Variants in LTBP2 observed in about 807,000 individuals in gnomAD.
The protein encoded by LTBP2 is latent transforming growth factor beta binding protein 2.
In LTBP2, 103 loss-of-function variants were observed where a neutral mutation model predicts 210.6. That is an observed-to-expected ratio of 0.49 (90% CI 0.42 to 0.58). The LOEUF (loss-of-function observed/expected upper bound fraction) is 0.58, where lower values mean the gene tolerates loss of function less well. Ranked by LOEUF, LTBP2 falls within the 20% of genes least tolerant of loss-of-function variation. The pLI, the probability that LTBP2 is intolerant of heterozygous loss-of-function variation, is 0.00. For missense variants in LTBP2, 2,313 were observed against 2,494.5 expected (o/e 0.93, Z 1.55); for synonymous variants, 1,007 against 1,015.0 (o/e 0.99, Z 0.15).
At chr14:74,540,838 T>TA (rs376025514) in intron 8 of LTBP2, among the ~76,000 whole-genome samples, 1,034 of 14,238 alleles carry the variant, frequency 0.073, 37 homozygotes, top group Non-Finnish European at 0.18. Flanking sequence ...ATAATATATA[T>TA]TTATATATAT....
At chr14:74,582,130 C>T (rs2088144775) in intron 3 of LTBP2, among the ~76,000 whole-genome samples, 1 of 150,436 alleles carries the variant, frequency 6.6e-6, no homozygotes, top group Non-Finnish European at 1.5e-5. Flanking sequence ...AGTGATTCTT[C>T]TCAAGCCTGT....
At chr14:74,523,780 A>G (rs2087237508) in intron 15 of LTBP2, among the ~76,000 whole-genome samples, 1 of 152,214 alleles carries the variant, frequency 6.6e-6, no homozygotes, top group African/African-American at 2.4e-5. Flanking sequence ...CTTTGCCTGA[A>G]GCCCACATGC....
chr14:74,522,152 C>T, intron 16 of LTBP2, 113 bp from the exon 17 acceptor site: 1 of 1,294,834 alleles, frequency 7.7e-7, no homozygotes, highest in Non-Finnish European at 1.1e-6. Context: ...TGCTGTGTGG[C>T]AAGGAAGGGG....
At chr14:74,522,109 AC>A (rs1304349990) in intron 16 of LTBP2, 70 bp from the exon 17 acceptor site, 2 of 1,535,886 alleles carry the variant, frequency 1.3e-6, no homozygotes, top group East Asian at 2.4e-5. Context: ...CCTACCAGCA[AC>A]CTGCCCACAC....
intron 20 of LTBP2, 74 bp downstream of exon 20, chr14:74,510,017 G>T: frequency 6.2e-7 from 1 of 1,612,524 alleles, no homozygotes; most frequent in Non-Finnish European, 8.5e-7. Flanking sequence ...AGGGGGCCAA[G>T]GGTGGTGTGC....
chr14:74,507,955 TC>T lies in LTBP2; in HGVS notation c.3775+17del. On this transcript the variant is annotated intron_variant, in intron 25 of 35. Transcript: ENST00000261978. ...CAGATGTGGGCAGAGCCCTGTGCCC[TC>T]CCCCCAGAGCCCTTACCCACACACT... 6.2e-7 allele frequency: 1 copy of T among 1,611,704 alleles called. No homozygotes were observed. The highest frequency in any genetic ancestry group is 8.5e-7 in the Non-Finnish European group (1 of 1,179,598).
intron 3 of LTBP2, among the ~76,000 whole-genome samples, chr14:74,572,836 A>G (rs2139774293): frequency 6.6e-6 from 1 of 152,286 alleles, no homozygotes; most frequent in Non-Finnish European, 1.5e-5. Context: ...GATGGGGCGA[A>G]CCTTCCCTGG....
Position 74,508,625 on chromosome 14 carries a change from C to G in LTBP2, c.3631G>C (p.Glu1211Gln), listed in dbSNP as rs994665777. 1.2e-6 allele frequency: 2 copies of G among 1,610,150 alleles called. No homozygotes were observed. Among genetic ancestry groups the G allele is most frequent in the African/African-American group, 2.7e-5 (2 of 74,924 alleles). The change falls in exon 24 of 36, where the codon GAG becomes CAG. Residue 1211 changes from glutamate (E) to glutamine (Q), a missense_variant. Around this residue, in one of 3 missense-constraint regions of LTBP2, gnomAD observed 1,867 missense variants for 1,976.9 expected, o/e 0.94. Coordinates refer to ENST00000261978, the MANE Select transcript of LTBP2 (RefSeq NM_000428.3). ...CLCAPGFVSA[E>Q]GGTSCQDVDE... ...TCACCCTGGCAGCTGGTGCCCCCCTCTGCGCTGACGAAGCCAGGCGCGCAC... is the reference window on the plus strand; with the variant it reads ...TCACCCTGGCAGCTGGTGCCCCCCTGTGCGCTGACGAAGCCAGGCGCGCAC...
intron 22 of LTBP2, 127 bp from the exon 23 acceptor site, chr14:74,509,079 C>T (rs755076528): frequency 6.4e-7 from 1 of 1,565,228 alleles, no homozygotes; most frequent in Non-Finnish European, 8.7e-7. Flanking sequence ...ATCATCCCCT[C>T]ATGAGGCAGC....
chr14:74,528,352 T>C, intron 12 of LTBP2, 131 bp downstream of exon 12: 1 of 1,061,716 alleles, frequency 9.4e-7, no homozygotes, highest in Non-Finnish European at 1.4e-6. Context: ...GTGCTGCTGC[T>C]CCAAGCTCCC....
chr14:74,572,448 T>C (rs1038551803), intron 3 of LTBP2, among the ~76,000 whole-genome samples: 5 of 55,470 alleles, frequency 9.0e-5, no homozygotes, highest in South Asian at 5.0e-4. Context: ...AATGCCTCCC[T>C]TTTTTTTTTT....
At chr14:74,551,653 C>T (rs536995426) in intron 6 of LTBP2, among the ~76,000 whole-genome samples, 5 of 152,286 alleles carry the variant, frequency 3.3e-5, no homozygotes, top group East Asian at 1.9e-4. Context: ...TCCTGCATGG[C>T]CCCACCTCCG....
At chr14:74,571,684 G>C (rs1275170053) in intron 3 of LTBP2, among the ~76,000 whole-genome samples, 1 of 152,214 alleles carries the variant, frequency 6.6e-6, no homozygotes, top group Non-Finnish European at 1.5e-5. Context: ...GGCCTGGCTG[G>C]GGTCTTGAGA....
chr14:74,611,997 G>A lies in LTBP2; in HGVS notation c.-53C>T, dbSNP rs934559680. 3.4e-6 allele frequency: 5 copies of A among 1,471,446 alleles called. No homozygotes were observed. The African/African-American group carries it at 7.2e-5, about 21-fold the overall frequency. The allele number at this position is 1,471,446 out of a possible 1,614,324, so 91.1% of individuals were successfully genotyped here. On this transcript the variant is annotated 5_prime_UTR_variant, in exon 1 of 36. Transcript: ENST00000261978. ...CGCGGGCACCGCGAAGAGCTTTGTG[G>A]TCGGCACGCTGGACGCCCGCGGGCT...
intron 3 of LTBP2, among the ~76,000 whole-genome samples, chr14:74,574,404 C>T (rs570849036): frequency 3.3e-5 from 5 of 152,162 alleles, no homozygotes; most frequent in Non-Finnish European, 7.3e-5. Context: ...TGTGCTATGC[C>T]ATTTATACTC....
chr14:74,602,750 C>T (rs2088466039), intron 2 of LTBP2, among the ~76,000 whole-genome samples: 2 of 152,222 alleles, frequency 1.3e-5, no homozygotes, highest in African/African-American at 4.8e-5. Flanking sequence ...TCCTTGGTTT[C>T]CACAAAATAA....
At chr14:74,524,332 C>A (rs750895455) in intron 15 of LTBP2, among the ~76,000 whole-genome samples, 2 of 152,090 alleles carry the variant, frequency 1.3e-5, no homozygotes, top group Admixed American at 6.5e-5. Context: ...CCCTACTCCC[C>A]ACTCTCTGGA....
intron 2 of LTBP2, 113 bp downstream of exon 2, chr14:74,603,522 G>T: frequency 9.8e-7 from 1 of 1,022,350 alleles, no homozygotes; most frequent in Non-Finnish European, 1.5e-6. Flanking sequence ...TAGGAAAGAC[G>T]CTTCTGCTCC....
At chr14:74,605,890 G>A (rs2088518948) in intron 1 of LTBP2, among the ~76,000 whole-genome samples, 1 of 152,162 alleles carries the variant, frequency 6.6e-6, no homozygotes, top group Admixed American at 6.5e-5. Flanking sequence ...GGCTGGGGCT[G>A]GTAGGGCACT....
Sources: allele counts gnomAD v4.1 joint callset (sites outside exome capture counted in the v4.1 genomes callset), GRCh38; gene constraint gnomAD v4.1.1; regional missense constraint gnomAD v4.1.1; transcripts MANE v1.5; gene names NCBI Gene and HGNC (gene_info 2026-07-23, HGNC 2026-07-21).